C12orf54: variants seen among roughly 807,000 people sequenced by gnomAD.
C12orf54 encodes the protein uncharacterized protein C12orf54.
In C12orf54, 24 loss-of-function variants were observed where a neutral mutation model predicts 26.4. That is an observed-to-expected ratio of 0.91 (90% CI 0.66 to 1.28). The LOEUF (loss-of-function observed/expected upper bound fraction) is 1.28, where lower values mean the gene tolerates loss of function less well. C12orf54 is among the 50% of genes most tolerant of loss of function. The pLI is 0.00. For synonymous variants in C12orf54, 54 were observed against 47.0 expected, an observed-to-expected ratio of 1.15 and a Z score of -0.61; for missense variants, 154 against 150.9, an observed-to-expected ratio of 1.02 and a Z score of -0.11.
the C12orf54 span, among the ~76,000 whole-genome samples, chr12:48,459,661 A>AC: frequency 6.6e-6 from 1 of 152,132 alleles, no homozygotes; most frequent in Admixed American, 6.6e-5. Flanking sequence ...GACTCACATG[A>AC]CTCAGAAACC....
chr12:48,491,280 T>C (rs892892905), intron 6 of C12orf54, among the ~76,000 whole-genome samples: 33 of 152,244 alleles, frequency 2.2e-4, no homozygotes, highest in Admixed American at 1.3e-3. Context: ...ACCAACTTTT[T>C]CACTGTGTCC....
chr12:48,487,052 A>G (rs1373363243), intron 4 of C12orf54, among the ~76,000 whole-genome samples: 1 of 152,246 alleles, frequency 6.6e-6, no homozygotes, highest in Non-Finnish European at 1.5e-5. Context: ...ACAAACATGA[A>G]AATGTTGGTT....
At chr12:48,435,771 A>G in the C12orf54 span, among the ~76,000 whole-genome samples, 29 of 152,208 alleles carry the variant, frequency 1.9e-4, no homozygotes, top group Admixed American at 2.6e-4. Context: ...CTAAACATGG[A>G]AAGGAACAAC....
the C12orf54 span, chr12:48,473,409 G>T: frequency 2.9e-4 from 219 of 764,722 alleles, no homozygotes; most frequent in African/African-American, 3.6e-3. Flanking sequence ...AGAAGACGAT[G>T]CCTAAGTGGA....
At chr12:48,494,143 C>A (rs1315765605) in intron 7 of C12orf54, among the ~76,000 whole-genome samples, 1 of 148,770 alleles carries the variant, frequency 6.7e-6, no homozygotes, top group Non-Finnish European at 1.5e-5. Flanking sequence ...CACTTGAACC[C>A]AGGAGGCAGA....
chr12:48,470,162 G>T, the C12orf54 span, among the ~76,000 whole-genome samples: 1 of 152,180 alleles, frequency 6.6e-6, no homozygotes, highest in Non-Finnish European at 1.5e-5. Flanking sequence ...ACATATGCAT[G>T]CATGTTTCTT....
At chr12:48,424,844 A>G in the C12orf54 span, among the ~76,000 whole-genome samples, 4 of 152,138 alleles carry the variant, frequency 2.6e-5, no homozygotes, top group South Asian at 2.1e-4. Flanking sequence ...TTTTGATTCT[A>G]TTTATGTGAA....
chr12:48,495,880 C>T (rs60756250), intron 8 of C12orf54, among the ~76,000 whole-genome samples: 8,873 of 152,144 alleles, frequency 0.058, 649 homozygotes, highest in East Asian at 0.25. Flanking sequence ...CTCACAAAAC[C>T]TCTATTAAAA....
At chr12:48,439,806 G>A in the C12orf54 span, among the ~76,000 whole-genome samples, 5 of 152,128 alleles carry the variant, frequency 3.3e-5, no homozygotes, top group African/African-American at 1.2e-4. Flanking sequence ...TAAATGATGA[G>A]GTAATGGGTG....
At chr12:48,479,294 T>C (rs1436164201), upstream of C12orf54, among the ~76,000 whole-genome samples, 1 of 152,018 alleles carries the variant, frequency 6.6e-6, no homozygotes, top group South Asian at 2.1e-4. Context: ...TTCTCACTCA[T>C]AGGTGGGAAT....
the C12orf54 span, among the ~76,000 whole-genome samples, chr12:48,423,705 G>A: frequency 0.017 from 2,644 of 152,044 alleles, 83 homozygotes; most frequent in African/African-American, 0.06. Context: ...TTAATATCTT[G>A]TACTTTGTAC....
chr12:48,492,858 A>G (rs1937821192), intron 6 of C12orf54, 89 bp from the exon 7 acceptor site: 3 of 1,193,552 alleles, frequency 2.5e-6, no homozygotes, highest in Non-Finnish European at 3.7e-6. Flanking sequence ...CACTTTGACT[A>G]TACTTCAAAT....
rs1237018582 is a variant in C12orf54 at position 48,486,700 on chromosome 12, A to C, written c.109A>C (p.Thr37Pro). 14 of 1,613,124 alleles carry C rather than the reference A, an allele frequency of 8.7e-6. No homozygotes were observed. Reference protein sequence around the residue: ...ETMRPQEKQVTITETLWDQVL... With the variant: ...ETMRPQEKQVPITETLWDQVL... ...CTTATTTCTACAGGAAAAACAGGTA[A>C]CCATCACTGAAACCCTGTGGGACCA... Residue 37 changes from threonine (T) to proline (P), a missense_variant, in exon 4 of 9, where the codon ACC becomes CCC. Coordinates refer to ENST00000548364, the MANE Select transcript of C12orf54 (RefSeq NM_152319.4).
chr12:48,441,883 G>A, the C12orf54 span: 1 of 151,974 alleles, frequency 6.6e-6, no homozygotes, highest in Non-Finnish European at 1.5e-5. Context: ...TTTCAGAAAA[G>A]GTAAATTTTC....
At chr12:48,488,799 T>C in intron 4 of C12orf54, 125 bp from the exon 5 acceptor site, 2 of 780,372 alleles carry the variant, frequency 2.6e-6, no homozygotes, top group South Asian at 1.6e-5. Context: ...CCACAGTCTC[T>C]TGGCATTCAC....
the C12orf54 span, among the ~76,000 whole-genome samples, chr12:48,456,716 G>A: frequency 1.2e-4 from 19 of 152,262 alleles, no homozygotes; most frequent in Non-Finnish European, 2.5e-4. Context: ...TAGCCCATTA[G>A]TGCTGTGTTA....
intron 6 of C12orf54, among the ~76,000 whole-genome samples, chr12:48,491,515 T>C (rs1390970045): frequency 6.6e-6 from 1 of 152,166 alleles, no homozygotes; most frequent in Non-Finnish European, 1.5e-5. Flanking sequence ...TCCCTTGGAA[T>C]GGTTGTTGAG....
intron 8 of C12orf54, among the ~76,000 whole-genome samples, chr12:48,495,394 T>C (rs1937890765): frequency 6.6e-6 from 1 of 152,186 alleles, no homozygotes; most frequent in African/African-American, 2.4e-5. Context: ...TGCACTACTT[T>C]GGGGGCTTAA....
At chr12:48,472,919 A>G in the C12orf54 span, 4 of 1,614,212 alleles carry the variant, frequency 2.5e-6, no homozygotes, top group Non-Finnish European at 3.4e-6. Flanking sequence ...TATTGGCAGA[A>G]AAGTGTCCAA....
Sources: gnomAD v4.1 joint callset for allele counts (sites outside exome capture counted in the v4.1 genomes callset) on GRCh38, gnomAD v4.1.1 for gene constraint, MANE v1.5 for transcripts, NCBI Gene and HGNC (gene_info 2026-07-23, HGNC 2026-07-21) for gene names.